The following HSPA2 variants were observed in gnomAD, a reference collection of about 807,000 sequenced individuals.
HSPA2 encodes the protein heat shock protein family A (Hsp70) member 2.
In HSPA2, 13 loss-of-function variants were observed where a neutral mutation model predicts 35.0. The observed-to-expected ratio is 0.37, with a 90% confidence interval of 0.24 to 0.59. The LOEUF (loss-of-function observed/expected upper bound fraction) is 0.59, where lower values mean the gene tolerates loss of function less well. HSPA2 is among the 20% of genes least tolerant of loss of function. The pLI is 0.70. For missense variants in HSPA2, 565 were observed against 885.4 expected (o/e 0.64, Z 4.59); for synonymous variants, 368 against 382.1 (o/e 0.96, Z 0.43).
chr14:64,536,199 T>TA (rs1300141835), upstream of HSPA2, among the ~76,000 whole-genome samples: 1 of 152,208 alleles, frequency 6.6e-6, no homozygotes, highest in Non-Finnish European at 1.5e-5. Flanking sequence ...TATAAGAAGA[T>TA]ACAAGTTTCA....
chr14:64,539,587 CCT>C (rs1039057400), upstream of HSPA2, among the ~76,000 whole-genome samples: 7 of 152,234 alleles, frequency 4.6e-5, no homozygotes, highest in East Asian at 1.9e-4. Context: ...CCGCCACACC[CCT>C]GTCTGCCGTC....
At chr14:64,540,685 G>A, upstream of HSPA2, 3 of 1,067,772 alleles carry the variant, frequency 2.8e-6, no homozygotes, top group Non-Finnish European at 4.0e-6. Context: ...GGAGCGGATT[G>A]GGTCTGGGAG....
chr14:64,542,840 A>C lies in HSPA2; in HGVS notation c.*71A>C, dbSNP rs1239285486. On this transcript the variant is annotated 3_prime_UTR_variant, in exon 1 of 1. Coordinates refer to ENST00000247207, the MANE Select transcript of HSPA2 (RefSeq NM_021979.4). This position sits in a 1 kb window ranked among gnomAD's most constrained non-coding sequence, Gnocchi z 5.7. The stretch of plus-strand genomic sequence containing the variant: ...TCTTTTTTTTTGTTTGTTTCTTTGA[A>C]ATGTCCTTGTGCCAAGTACGAGATC... 9 of 1,490,382 alleles carry C rather than the reference A, an allele frequency of 6.0e-6. No individual in the cohort carries two copies. The highest frequency in any genetic ancestry group is 1.4e-5 in the African/African-American group (1 of 70,602). 92.3% of individuals were successfully genotyped at this position (1,490,382 alleles called of 1,614,324 possible). A position where few individuals can be genotyped will look rare whatever the true frequency, so the allele number is the denominator to read the frequency against.
In HSPA2 at chr14:64,541,997, T is replaced by C. The variant is rs1566643122; in HGVS notation, c.1148T>C (p.Leu383Pro). The change falls in exon 1 of 1, where the codon CTC becomes CCC. Residue 383 changes from leucine (L) to proline (P), a missense_variant. Coordinates refer to ENST00000247207, the MANE Select transcript of HSPA2 (RefSeq NM_021979.4). ...AYGAAVQAAILIGDKSENVQD... is the reference protein window; with the variant it reads ...AYGAAVQAAIPIGDKSENVQD... ...GGCGCCGCGGTGCAGGCGGCCATCC[T>C]CATCGGCGACAAATCAGAGAATGTG... 1.2e-6 allele frequency: 2 copies of C among 1,613,468 alleles called. No individual in the cohort carries two copies. Among genetic ancestry groups the C allele is most frequent in the Non-Finnish European group, 1.7e-6 (2 of 1,179,996 alleles).
In HSPA2 at chr14:64,542,175, G is replaced by A; in HGVS notation, c.1326G>A (p.Leu442=). The change falls in exon 1 of 1, where the codon CTG becomes CTA. Residue 442 remains leucine, a synonymous_variant. Transcript: ENST00000247207. The surrounding 1 kb of genome is among the most constrained non-coding windows in gnomAD (Gnocchi z 5.7). ...TTYSDNQSSV[L]VQVYEGERAM... ...ACTCGGACAACCAGAGCAGCGTACT[G>A]GTGCAGGTATACGAGGGCGAACGGG... 6.2e-7 allele frequency: 1 copy of A among 1,613,750 alleles called. No homozygotes were observed. The highest frequency in any genetic ancestry group is 1.3e-5 in the African/African-American group (1 of 74,984).
chr14:64,541,896 C>T lies in HSPA2; in HGVS notation c.1047C>T (p.Ile349=). 6.2e-7 allele frequency: 1 copy of T among 1,613,606 alleles called. No individual in the cohort carries two copies. Among genetic ancestry groups the T allele is most frequent in the Non-Finnish European group, 8.5e-7 (1 of 1,180,032 alleles). ...LVGGSTRIPK[I]QKLLQDFFNG... ...GCGGCTCCACTCGTATCCCCAAGATCCAGAAGCTGCTGCAGGATTTCTTCA... is the reference window on the plus strand; with the variant it reads ...GCGGCTCCACTCGTATCCCCAAGATTCAGAAGCTGCTGCAGGATTTCTTCA... Residue 349 remains isoleucine (I), a synonymous_variant, in exon 1 of 1, where the codon ATC becomes ATT. Coordinates refer to ENST00000247207, the MANE Select transcript of HSPA2 (RefSeq NM_021979.4).
rs1403857158 is a variant in HSPA2 at position 64,540,990 on chromosome 14, C to A, written c.141C>A (p.Asp47Glu). 10 of 1,614,074 alleles carry A rather than the reference C, an allele frequency of 6.2e-6. No individual in the cohort carries two copies. The Admixed American group carries it at 1.0e-4, about 16-fold the overall frequency. Residue 47 changes from aspartate to glutamate, a missense_variant, in exon 1 of 1, where the codon GAC becomes GAA. By Grantham distance (45) the Asp-to-Glu change is conservative. Coordinates refer to ENST00000247207, the MANE Select transcript of HSPA2 (RefSeq NM_021979.4). ...CCCCCAGCTACGTGGCCTTCACGGA[C>A]ACCGAGCGCCTCATCGGCGACGCCG... ...RTTPSYVAFT[D>E]TERLIGDAAK...
Position 64,541,098 on chromosome 14 carries a change from A to C in HSPA2, c.249A>C (p.Thr83=), listed in dbSNP as rs757971880. 1.9e-6 allele frequency: 3 copies of C among 1,614,128 alleles called. No individual in the cohort carries two copies. Among genetic ancestry groups the C allele is most frequent in the Non-Finnish European group, 2.5e-6 (3 of 1,180,056 alleles). The change falls in exon 1 of 1, where the codon ACA becomes ACC. Residue 83 remains threonine (T), a synonymous_variant. Coordinates refer to ENST00000247207, the MANE Select transcript of HSPA2 (RefSeq NM_021979.4). ...RLIGRKFEDA[T]VQSDMKHWPF... ...TTGGACGGAAATTCGAGGATGCCAC[A>C]GTGCAGTCGGATATGAAACACTGGC...
At chr14:64,540,695 G>A (rs2080020360), upstream of HSPA2, 1 of 1,177,868 alleles carries the variant, frequency 8.5e-7, no homozygotes, top group South Asian at 1.6e-5. Flanking sequence ...GGGTCTGGGA[G>A]TTCCCAGAGG....
At chr14:64,539,725 A>G (rs573766197), upstream of HSPA2, among the ~76,000 whole-genome samples, 7 of 152,046 alleles carry the variant, frequency 4.6e-5, 1 homozygote, top group East Asian at 1.4e-3. Flanking sequence ...TCAGTCGCCC[A>G]GGCTGGAGTG....
At chr14:64,540,623 C>T (rs2080019758), upstream of HSPA2, 8 of 647,468 alleles carry the variant, frequency 1.2e-5, no homozygotes, top group Middle Eastern at 4.3e-4. Context: ...CCAGTCACTC[C>T]GACCTAGGCA....
At position 64,542,793 on chromosome 14, in the gene HSPA2, C is replaced by A; in HGVS notation, c.*24C>A. The A allele has an allele frequency of 6.5e-7, 1 of 1,547,566 alleles. No homozygotes were observed. Among genetic ancestry groups the A allele is most frequent in the Non-Finnish European group, 8.7e-7 (1 of 1,150,680 alleles). On this transcript the variant is annotated 3_prime_UTR_variant, in exon 1 of 1. Coordinates refer to ENST00000247207, the MANE Select transcript of HSPA2 (RefSeq NM_021979.4). The surrounding 1 kb of genome is among the most constrained non-coding windows in gnomAD (Gnocchi z 5.7). ...AAGCTTGCACTCAAGTCAGCGTAAACCTCTTTGCCTTTCTCTCTCTCTCTT... is the reference window on the plus strand; with the variant it reads ...AAGCTTGCACTCAAGTCAGCGTAAAACTCTTTGCCTTTCTCTCTCTCTCTT...
At chr14:64,538,603 C>T (rs1208133912), upstream of HSPA2, among the ~76,000 whole-genome samples, 1 of 152,270 alleles carries the variant, frequency 6.6e-6, no homozygotes, top group Non-Finnish European at 1.5e-5. Context: ...CAGCAACGCA[C>T]TTTTCCATCA....
At chr14:64,539,499 T>C (rs1166153455), upstream of HSPA2, among the ~76,000 whole-genome samples, 3 of 152,138 alleles carry the variant, frequency 2.0e-5, no homozygotes, top group Non-Finnish European at 2.9e-5. Flanking sequence ...AACCAGAGTT[T>C]AAAGCGGCAG....
In HSPA2 at chr14:64,540,772, C is replaced by G. The variant is rs971249582; in HGVS notation, c.-78C>G. On this transcript the variant is annotated 5_prime_UTR_variant, in exon 1 of 1. Coordinates refer to ENST00000247207, the MANE Select transcript of HSPA2 (RefSeq NM_021979.4). ...CTGGTAGTGCCCGTGGTGCTTGGTTCGAGGTGGCCGTTAGTTGACTCCGCG... is the reference window on the plus strand; with the variant it reads ...CTGGTAGTGCCCGTGGTGCTTGGTTGGAGGTGGCCGTTAGTTGACTCCGCG... The G allele has an allele frequency of 2.6e-6, 4 of 1,568,436 alleles. No homozygotes were observed. Among genetic ancestry groups the G allele is most frequent in the Non-Finnish European group, 3.5e-6 (4 of 1,156,632 alleles).
rs2080037988 is a variant in HSPA2 at position 64,542,067 on chromosome 14, C to A, written c.1218C>A (p.Ile406=). Residue 406 remains isoleucine (I), a synonymous_variant, in exon 1 of 1, where the codon ATC becomes ATA. Transcript: ENST00000247207. This position sits in a 1 kb window ranked among gnomAD's most constrained non-coding sequence, Gnocchi z 5.7. Reference sequence around the variant, plus strand: ...ACGTGACCCCGTTGTCGCTGGGCATCGAGACAGCTGGCGGTGTCATGACCC... The same window carrying A: ...ACGTGACCCCGTTGTCGCTGGGCATAGAGACAGCTGGCGGTGTCATGACCC... The part of the protein sequence containing the change: ...LLDVTPLSLG[I]ETAGGVMTPL... 1.2e-6 allele frequency: 2 copies of A among 1,613,712 alleles called. No homozygotes were observed. Among genetic ancestry groups the A allele is most frequent in the Non-Finnish European group, 1.7e-6 (2 of 1,180,028 alleles).
At chr14:64,540,658 T>C, upstream of HSPA2, 1 of 783,714 alleles carries the variant, frequency 1.3e-6, no homozygotes, top group Non-Finnish European at 2.0e-6. Flanking sequence ...CTGGAAGAGT[T>C]TGTGAGGGCG....
chr14:64,541,430 G>T lies in HSPA2; in HGVS notation c.581G>T (p.Gly194Val), dbSNP rs1347967531. The change falls in exon 1 of 1, where the codon GGC (glycine) becomes GTC (valine). Residue 194 changes from glycine (G) to valine (V), a missense_variant. Gly to Val is a moderately radical substitution (Grantham distance 109). Transcript: ENST00000247207. ...YGLDKKGCAG[G>V]EKNVLIFDLG... ...CTGGACAAGAAGGGCTGCGCGGGCG[G>T]CGAGAAGAACGTGCTCATCTTTGAC... 1.2e-6 allele frequency: 2 copies of T among 1,613,546 alleles called. No homozygotes were observed. The highest frequency in any genetic ancestry group is 2.2e-5 in the South Asian group (2 of 91,070).
chr14:64,540,998 G>C lies in HSPA2; in HGVS notation c.149G>C (p.Arg50Pro). The change falls in exon 1 of 1, where the codon CGC (arginine) becomes CCC (proline). Residue 50 changes from arginine to proline, a missense_variant. Transcript: ENST00000247207. ...PSYVAFTDTE[R>P]LIGDAAKNQV... The stretch of plus-strand genomic sequence containing the variant: ...TACGTGGCCTTCACGGACACCGAGC[G>C]CCTCATCGGCGACGCCGCCAAGAAC... 1 of 1,614,148 alleles carries C rather than the reference G, an allele frequency of 6.2e-7. No homozygotes were observed. Among genetic ancestry groups the C allele is most frequent in the Non-Finnish European group, 8.5e-7 (1 of 1,180,028 alleles).
Sources: allele counts gnomAD v4.1 joint callset (sites outside exome capture counted in the v4.1 genomes callset), GRCh38; gene constraint gnomAD v4.1.1; non-coding constraint Gnocchi (gnomAD v3.1); transcripts MANE v1.5; gene names NCBI Gene and HGNC (gene_info 2026-07-23, HGNC 2026-07-21).